Variants in ASAP1 observed in about 807,000 individuals in gnomAD.
The protein encoded by ASAP1 is arf-GAP with SH3 domain, ANK repeat and PH domain-containing protein 1.
In ASAP1, 43 loss-of-function variants were observed where a neutral mutation model predicts 145.2. The observed-to-expected ratio is 0.30, with a 90% CI of 0.23 to 0.38. ASAP1 has a LOEUF of 0.38. Ranked by LOEUF, ASAP1 falls within the 10% of genes least tolerant of loss-of-function variation. The pLI, the probability that ASAP1 is intolerant of heterozygous loss-of-function variation, is 1.00. For missense variants in ASAP1, 1,018 were observed against 1,355.3 expected, an observed-to-expected ratio of 0.75 and a Z score of 3.91; for synonymous variants, 546 against 515.5, an observed-to-expected ratio of 1.06 and a Z score of -0.80.
At chr8:130,326,843 A>G (rs764624200) in intron 3 of ASAP1, among the ~76,000 whole-genome samples, 2 of 152,170 alleles carry the variant, frequency 1.3e-5, no homozygotes, top group Non-Finnish European at 2.9e-5. Context: ...ACCTTATAGA[A>G]TATATTCAGA....
intron 3 of ASAP1, among the ~76,000 whole-genome samples, chr8:130,271,494 A>C (rs1820584816): frequency 6.6e-6 from 1 of 152,170 alleles, no homozygotes; most frequent in South Asian, 2.1e-4. Flanking sequence ...AGGAAGTCAA[A>C]ATCATTTCTT....
intron 3 of ASAP1, among the ~76,000 whole-genome samples, chr8:130,261,526 T>C (rs1565147840): frequency 6.6e-6 from 1 of 152,090 alleles, no homozygotes; most frequent in African/African-American, 2.4e-5. Context: ...GCAAGTGGCT[T>C]GGGGTAGGCT....
chr8:130,340,069 A>G (rs1019521406), intron 3 of ASAP1, among the ~76,000 whole-genome samples: 2 of 152,232 alleles, frequency 1.3e-5, no homozygotes, highest in African/African-American at 4.8e-5. Context: ...AAACAGATGA[A>G]TAAATAAGTC....
chr8:130,326,113 G>A (rs750109236), intron 3 of ASAP1, among the ~76,000 whole-genome samples: 3 of 152,186 alleles, frequency 2.0e-5, no homozygotes, highest in South Asian at 2.1e-4. Context: ...GTAGTAGAGG[G>A]TTGCTGGAAA....
At chr8:130,426,229 G>A (rs1480584699) in intron 1 of ASAP1, among the ~76,000 whole-genome samples, 1 of 152,106 alleles carries the variant, frequency 6.6e-6, no homozygotes, top group East Asian at 1.9e-4. Context: ...GCTCCGCCAT[G>A]TAAGATGTAC....
At chr8:130,374,427 T>A (rs1827380405) in intron 2 of ASAP1, among the ~76,000 whole-genome samples, 1 of 152,188 alleles carries the variant, frequency 6.6e-6, no homozygotes, top group Non-Finnish European at 1.5e-5. Context: ...TCCAGCACCT[T>A]GGGAGTCCAA....
At chr8:130,396,330 G>A (rs898205482) in intron 2 of ASAP1, among the ~76,000 whole-genome samples, 5 of 152,208 alleles carry the variant, frequency 3.3e-5, no homozygotes, top group Admixed American at 6.5e-5. Flanking sequence ...TTTGAGTGTA[G>A]GACCTGGCAC....
At chr8:130,171,563 C>T (rs1419066716) in intron 9 of ASAP1, among the ~76,000 whole-genome samples, 1 of 152,196 alleles carries the variant, frequency 6.6e-6, no homozygotes, top group African/African-American at 2.4e-5. Context: ...CCACCTGGTC[C>T]TGCCCTTGAC....
chr8:130,142,532 A>G (rs565129891), intron 13 of ASAP1, among the ~76,000 whole-genome samples: 4 of 152,320 alleles, frequency 2.6e-5, no homozygotes, highest in African/African-American at 9.6e-5. Context: ...CACATGGTCC[A>G]TGCCATTAAA....
At chr8:130,271,347 A>C (rs1248317309) in intron 3 of ASAP1, among the ~76,000 whole-genome samples, 2 of 152,222 alleles carry the variant, frequency 1.3e-5, no homozygotes, top group Admixed American at 6.5e-5. Flanking sequence ...AATTATTCTG[A>C]TGTGCTATTA....
At chr8:130,362,513 A>C (rs1159319331) in intron 2 of ASAP1, among the ~76,000 whole-genome samples, 1 of 152,262 alleles carries the variant, frequency 6.6e-6, no homozygotes, top group African/African-American at 2.4e-5. Flanking sequence ...GCTGATGCAT[A>C]GTGAATAATC....
chr8:130,307,643 T>C (rs745622268), intron 3 of ASAP1, among the ~76,000 whole-genome samples: 29 of 152,222 alleles, frequency 1.9e-4, no homozygotes, highest in Non-Finnish European at 4.0e-4. Flanking sequence ...AATTTAAATG[T>C]TTCCCTTCCA....
intron 24 of ASAP1, among the ~76,000 whole-genome samples, chr8:130,104,444 C>T (rs558291281): frequency 8.5e-5 from 13 of 152,338 alleles, no homozygotes; most frequent in African/African-American, 2.9e-4. Flanking sequence ...TTACTTCCTC[C>T]GTCCTTTGTT....
At chr8:130,075,307 C>A (rs2097459844) in intron 27 of ASAP1, among the ~76,000 whole-genome samples, 1 of 152,204 alleles carries the variant, frequency 6.6e-6, no homozygotes, top group Non-Finnish European at 1.5e-5. Context: ...AATCAGCAGT[C>A]ATTTGGGAGT....
intron 3 of ASAP1, among the ~76,000 whole-genome samples, chr8:130,297,082 G>T (rs1268579366): frequency 2.0e-5 from 3 of 152,140 alleles, no homozygotes; most frequent in Non-Finnish European, 4.4e-5. Flanking sequence ...TTAAATCTAT[G>T]GTTTGGGAAA....
In ASAP1 at chr8:130,235,449, T is replaced by C. The variant is rs1326758724; in HGVS notation, c.259+1473A>G. Among the ~76,000 whole-genome samples, 6 of 152,118 alleles carry C rather than the reference T, an allele frequency of 3.9e-5. 1 individual carries two copies. Among genetic ancestry groups the C allele is most frequent in the Non-Finnish European group, 2.9e-5 (2 of 68,020 alleles). The stretch of plus-strand genomic sequence containing the variant: ...CAATATCAGCACCTTAGAAGCCCAC[T>C]TTGTGGCATCTCCTAGTTATTTATT... On this transcript the variant is annotated intron_variant, in intron 4 of 29. Transcript: ENST00000518721.
Position 130,116,530 on chromosome 8 carries a change from C to G in ASAP1, c.2064+148G>C, listed in dbSNP as rs10505547. 5,810 of 697,262 alleles carry G rather than the reference C, an allele frequency of 8.3e-3. 35 individuals are homozygous for G. The highest frequency in any genetic ancestry group is 0.011 in the Non-Finnish European group (4,423 of 412,688). The allele number at this position is 697,262 out of a possible 1,614,324, so 43.2% of individuals were successfully genotyped here. Reference sequence around the variant, plus strand: ...CAAATTTATCATTTTACCACTTTTTCTAATGTAGCACATTGCTCATCTGAT... The same window carrying G: ...CAAATTTATCATTTTACCACTTTTTGTAATGTAGCACATTGCTCATCTGAT... On this transcript the variant is annotated intron_variant, in intron 22 of 29. Coordinates refer to ENST00000518721, the MANE Select transcript of ASAP1 (RefSeq NM_018482.4).
At chr8:130,127,596 G>C (rs1168343696) in intron 16 of ASAP1, among the ~76,000 whole-genome samples, 8 of 152,136 alleles carry the variant, frequency 5.3e-5, no homozygotes, top group South Asian at 2.1e-4. Flanking sequence ...AGATGGTCCA[G>C]GCTGGGAGTG....
chr8:130,169,075 T>A lies in ASAP1; in HGVS notation c.747-8A>T. ...AAGCCATCTTGAAAGAAACTACAAT[T>A]AAAAAAATCAGAGATTTACCACCAG... On this transcript the variant is annotated splice_polypyrimidine_tract_variant and splice_region_variant and intron_variant, in intron 9 of 29. Transcript: ENST00000518721. 1.3e-6 allele frequency: 2 copies of A among 1,528,972 alleles called. No homozygotes were observed. Among genetic ancestry groups the A allele is most frequent in the Admixed American group, 2.2e-5 (1 of 45,464 alleles). The allele number at this position is 1,528,972 out of a possible 1,614,324, so 94.7% of individuals were successfully genotyped here. A position where few individuals can be genotyped will look rare whatever the true frequency, so the allele number is the denominator to read the frequency against.
Sources: gnomAD v4.1 joint callset for allele counts (sites outside exome capture counted in the v4.1 genomes callset) on GRCh38, gnomAD v4.1.1 for gene constraint, MANE v1.5 for transcripts, NCBI Gene and HGNC (gene_info 2026-07-23, HGNC 2026-07-21) for gene names.